PDZRN4: variants seen among roughly 807,000 people sequenced by gnomAD.
PDZRN4 encodes the protein PDZ domain containing ring finger 4.
In PDZRN4, 70 loss-of-function variants were observed where a neutral mutation model predicts 99.0. The observed-to-expected ratio is 0.71, with a 90% confidence interval of 0.58 to 0.86. The LOEUF (loss-of-function observed/expected upper bound fraction) is 0.86. Ranked by LOEUF, PDZRN4 falls within the 40% of genes least tolerant of loss-of-function variation. The pLI is 0.00. For synonymous variants in PDZRN4, 551 were observed against 501.6 expected (o/e 1.10, Z -1.32); for missense variants, 1,474 against 1,331.2 (o/e 1.11, Z -1.67).
chr12:41,286,728 A>G (rs773263082), intron 3 of PDZRN4, among the ~76,000 whole-genome samples: 21 of 152,154 alleles, frequency 1.4e-4, no homozygotes, highest in Non-Finnish European at 2.9e-4. Context: ...TGTTGTTTGC[A>G]GAAGACCCAT....
At chr12:41,213,338 C>T (rs1354297420) in intron 3 of PDZRN4, among the ~76,000 whole-genome samples, 1 of 151,966 alleles carries the variant, frequency 6.6e-6, no homozygotes, top group African/African-American at 2.4e-5. Flanking sequence ...AGGGGTTTGG[C>T]AGTAGAGAGA....
At chr12:41,540,264 A>G (rs988170669) in intron 5 of PDZRN4, among the ~76,000 whole-genome samples, 1 of 152,184 alleles carries the variant, frequency 6.6e-6, no homozygotes, top group Non-Finnish European at 1.5e-5. Flanking sequence ...GCATTTTTTA[A>G]TAATTAATCT....
chr12:41,488,319 G>A (rs568605662), intron 3 of PDZRN4, among the ~76,000 whole-genome samples: 1 of 152,134 alleles, frequency 6.6e-6, no homozygotes, highest in Non-Finnish European at 1.5e-5. Flanking sequence ...ATTAGGGTGT[G>A]CATTAGAGTC....
intron 3 of PDZRN4, among the ~76,000 whole-genome samples, chr12:41,206,483 G>A (rs566794004): frequency 1.4e-4 from 21 of 147,144 alleles, no homozygotes; most frequent in African/African-American, 4.8e-4. Flanking sequence ...GTTTTATCAC[G>A]TACCATATTA....
chr12:41,451,585 C>CA (rs762902021), intron 3 of PDZRN4, among the ~76,000 whole-genome samples: 94 of 152,122 alleles, frequency 6.2e-4, no homozygotes, highest in Non-Finnish European at 6.9e-4. Flanking sequence ...AAAAATAAAA[C>CA]AAAAAATCAA....
intron 3 of PDZRN4, among the ~76,000 whole-genome samples, chr12:41,225,696 G>A (rs1434717717): frequency 6.6e-6 from 1 of 151,972 alleles, no homozygotes; most frequent in Non-Finnish European, 1.5e-5. Context: ...GGGGGTGGGG[G>A]ATCTAGAAAC....
chr12:41,346,453 T>C (rs10880052), intron 3 of PDZRN4, among the ~76,000 whole-genome samples: 58,917 of 151,630 alleles, frequency 0.39, 11,535 homozygotes, highest in African/African-American at 0.42. Context: ...AAGAGCGAGA[T>C]TCCGTCTCAA....
At chr12:41,384,026 G>A (rs199820633) in intron 3 of PDZRN4, among the ~76,000 whole-genome samples, 6 of 112,044 alleles carry the variant, frequency 5.4e-5, no homozygotes, top group Admixed American at 2.5e-4. Context: ...TTTTTGAGAC[G>A]GAATCTCTGT....
intron 3 of PDZRN4, among the ~76,000 whole-genome samples, chr12:41,200,288 C>G (rs1441464647): frequency 2.0e-5 from 3 of 152,258 alleles, no homozygotes; most frequent in Admixed American, 2.0e-4. Flanking sequence ...TTCTCAGTTT[C>G]TCTCCTGTAA....
At chr12:41,340,155 G>A (rs1951805822) in intron 3 of PDZRN4, among the ~76,000 whole-genome samples, 1 of 152,058 alleles carries the variant, frequency 6.6e-6, no homozygotes, top group African/African-American at 2.4e-5. Flanking sequence ...GCTTACAATA[G>A]CCAAGATTTG....
rs776864239 is a variant in PDZRN4 at position 41,416,552 on chromosome 12, G to A, written c.844-89904G>A. On this transcript the variant is annotated intron_variant, in intron 3 of 9. Transcript: ENST00000402685. ...TAATCCTATTCAGGAGGCTACTCGG[G>A]AGGCTGAGGCAGGAGAATAGCTTGA... Among the ~76,000 whole-genome samples, 247 of 152,300 alleles carry A rather than the reference G, an allele frequency of 1.6e-3. 4 individuals are homozygous for A. The highest frequency in any genetic ancestry group is 1.9e-3 in the Non-Finnish European group (128 of 68,030).
chr12:41,209,050 T>TG (rs1175770389), intron 3 of PDZRN4, among the ~76,000 whole-genome samples: 5 of 151,998 alleles, frequency 3.3e-5, no homozygotes, highest in Admixed American at 3.3e-4. Flanking sequence ...TGCATGTGTG[T>TG]TTTCTCTTTC....
chr12:41,573,376 C>T lies in PDZRN4; in HGVS notation c.2597C>T (p.Ala866Val), dbSNP rs1939519087. ...CAACAGAAATCTGCAGTCGAGTATG[C>T]TCAGAGTCAGCTCAGCTTGGTGAGC... The part of the protein sequence containing the change: ...LIQQKSAVEY[A>V]QSQLSLVSMC... Residue 866 changes from alanine (A) to valine (V), a missense_variant, in exon 10 of 10, where the codon GCT becomes GTT. Ala to Val is a moderately conservative substitution (Grantham distance 64, BLOSUM62 0). Transcript: ENST00000402685. 1 of 1,613,406 alleles carries T rather than the reference C, an allele frequency of 6.2e-7. No homozygotes were observed. The highest frequency in any genetic ancestry group is 8.5e-7 in the Non-Finnish European group (1 of 1,180,024).
intron 3 of PDZRN4, among the ~76,000 whole-genome samples, chr12:41,429,150 T>A (rs747032647): frequency 1.3e-5 from 2 of 152,212 alleles, no homozygotes. Context: ...TCTGGAGATA[T>A]ATATTTAGAG....
At chr12:41,447,656 T>C (rs2120489778) in intron 3 of PDZRN4, among the ~76,000 whole-genome samples, 1 of 152,250 alleles carries the variant, frequency 6.6e-6, no homozygotes, top group Middle Eastern at 3.4e-3. Context: ...CTATGAGATA[T>C]GTAATACTGT....
At chr12:41,515,142 C>T (rs1468592852) in intron 5 of PDZRN4, among the ~76,000 whole-genome samples, 1 of 152,000 alleles carries the variant, frequency 6.6e-6, no homozygotes, top group African/African-American at 2.4e-5. Flanking sequence ...CTGTCCATCT[C>T]TGATCTTGAG....
chr12:41,378,969 ATAGTC>A (rs1253922527), intron 3 of PDZRN4, among the ~76,000 whole-genome samples: 4 of 152,184 alleles, frequency 2.6e-5, no homozygotes, highest in African/African-American at 7.2e-5. Context: ...GTAGTAATCT[ATAGTC>A]TATCTGTTTT....
chr12:41,376,254 T>A (rs1396565344), intron 3 of PDZRN4, among the ~76,000 whole-genome samples: 1 of 152,182 alleles, frequency 6.6e-6, no homozygotes, highest in Non-Finnish European at 1.5e-5. Context: ...GAAGCAAGAT[T>A]GATGGATCAT....
intron 3 of PDZRN4, among the ~76,000 whole-genome samples, chr12:41,356,000 A>T (rs1951924769): frequency 6.6e-6 from 1 of 152,056 alleles, no homozygotes; most frequent in Non-Finnish European, 1.5e-5. Context: ...GTGAACATTC[A>T]AAGATCCTCT....
Sources: gnomAD v4.1 joint callset for allele counts (sites outside exome capture counted in the v4.1 genomes callset) on GRCh38, gnomAD v4.1.1 for gene constraint, MANE v1.5 for transcripts, NCBI Gene and HGNC (gene_info 2026-07-23, HGNC 2026-07-21) for gene names.